Variants in NUP214 observed in about 807,000 individuals in gnomAD.
NUP214 encodes the protein nuclear pore complex protein Nup214.
A neutral mutation model predicts 196.2 loss-of-function variants in NUP214; 79 were observed. The ratio of observed to expected loss-of-function variants is 0.40; its 90% CI spans 0.34 to 0.49. NUP214 has a LOEUF of 0.49. Ranked by LOEUF, NUP214 falls within the 20% of genes least tolerant of loss-of-function variation. NUP214 has a pLI of 0.58. For synonymous variants in NUP214, 1,020 were observed against 990.5 expected, an observed-to-expected ratio of 1.03 and a Z score of -0.56; for missense variants, 2,468 against 2,539.0, an observed-to-expected ratio of 0.97 and a Z score of 0.60.
At position 131,197,756 on chromosome 9, in the gene NUP214, C is replaced by T. The variant is rs145719741; in HGVS notation, c.4262C>T (p.Ser1421Phe). The change falls in exon 29 of 36, where the codon TCC becomes TTC. Residue 1421 changes from serine to phenylalanine, a missense_variant. Ser to Phe is a radical substitution (Grantham distance 155). Transcript: ENST00000359428. ...AGTCTGCCAGTCACCAGTGCAGGAT[C>T]CTCTGGGGTCATCAGTTTTGGTGGG... ...FGSLPVTSAG[S>F]SGVISFGGTS... 3.7e-6 allele frequency: 6 copies of T among 1,614,104 alleles called. No homozygotes were observed. Among genetic ancestry groups the T allele is most frequent in the African/African-American group, 2.7e-5 (2 of 74,928 alleles).
rs754780704 is a variant in NUP214, at chr9:131,146,174, C to T, written c.1815C>T (p.Ser605=). The part of the protein sequence containing the change: ...ATSTPVSSSQ[S]APPMSPFSSA... ...CTACTCCTGTTAGTAGCTCCCAGAG[C>T]GCACCCCCGATGTCGCCATTCTCTT... is the stretch of plus-strand genomic sequence containing the variant. The change falls in exon 13 of 36, where the codon AGC becomes AGT. Residue 605 remains serine, a synonymous_variant. Transcript: ENST00000359428. This position sits in a 1 kb window ranked among gnomAD's most constrained non-coding sequence, Gnocchi z 4.6. The T allele has an allele frequency of 5.0e-6, 8 of 1,614,038 alleles. No homozygotes were observed. In the African/African-American group the frequency reaches 6.7e-5, roughly 13 times the overall value.
intron 5 of NUP214, 95 bp from the exon 6 acceptor site, chr9:131,132,501 A>G (rs1054181466): frequency 7.7e-6 from 8 of 1,034,748 alleles, no homozygotes; most frequent in South Asian, 2.7e-5. Flanking sequence ...GAGATGGAAC[A>G]GGTAGCATCT....
chr9:131,179,059 C>T (rs1440501605), intron 24 of NUP214, among the ~76,000 whole-genome samples: 1 of 152,014 alleles, frequency 6.6e-6, no homozygotes, highest in African/African-American at 2.4e-5. Flanking sequence ...GAGTGCAGTA[C>T]GATCATGGCA....
chr9:131,152,815 A>T (rs1191033132), intron 17 of NUP214, among the ~76,000 whole-genome samples: 2 of 151,354 alleles, frequency 1.3e-5, no homozygotes, highest in Non-Finnish European at 2.9e-5. Flanking sequence ...TGAGTCTCGC[A>T]CTGTCGCCTG....
chr9:131,192,149 T>G, intron 26 of NUP214, 59 bp from the exon 27 acceptor site: 4 of 1,134,318 alleles, frequency 3.5e-6, no homozygotes, highest in Non-Finnish European at 3.7e-6. Flanking sequence ...GGAACAGTGT[T>G]TCTGTCTTTT....
chr9:131,199,074 A>G (rs1041969384), intron 29 of NUP214, 59 bp downstream of exon 29: 48 of 1,515,584 alleles, frequency 3.2e-5, no homozygotes, highest in Non-Finnish European at 4.1e-5. Context: ...AACATTAGCA[A>G]CAGACCCCTA....
In NUP214 at chr9:131,140,495, G is replaced by T. The variant is rs1022820496; in HGVS notation, c.1133-54G>T. The T allele has an allele frequency of 5.9e-6, 9 of 1,522,180 alleles. No homozygotes were observed. The Admixed American group carries it at 1.5e-4, about 26-fold the overall frequency. The allele number at this position is 1,522,180 out of a possible 1,614,324, so 94.3% of individuals were successfully genotyped here. ...GTTGAGGGCAGTCTTTGCCTTCTGG[G>T]CTCAGGCCCTTAAATTCACTTGGTT... On this transcript the variant is annotated intron_variant, in intron 10 of 35. Coordinates refer to ENST00000359428, the MANE Select transcript of NUP214 (RefSeq NM_005085.4).
intron 27 of NUP214, among the ~76,000 whole-genome samples, chr9:131,193,477 A>G (rs1833670579): frequency 6.6e-6 from 1 of 151,766 alleles, no homozygotes; most frequent in African/African-American, 2.4e-5. Context: ...AGTAATACAT[A>G]TATTTTTTCT....
intron 30 of NUP214, 126 bp downstream of exon 30, chr9:131,201,843 G>C: frequency 2.5e-6 from 2 of 798,320 alleles, no homozygotes; most frequent in Admixed American, 2.1e-5. Context: ...TGGTTCTTAA[G>C]CTGTACTCCC....
chr9:131,227,239 T>C (rs1834748076), intron 32 of NUP214, among the ~76,000 whole-genome samples: 1 of 152,186 alleles, frequency 6.6e-6, no homozygotes, highest in Admixed American at 6.5e-5. Flanking sequence ...GCAATCAGAG[T>C]AGGGTGCCCT....
intron 31 of NUP214, among the ~76,000 whole-genome samples, chr9:131,220,238 A>G (rs1368977988): frequency 6.6e-6 from 1 of 152,200 alleles, no homozygotes; most frequent in Non-Finnish European, 1.5e-5. Context: ...GTCCGCCAAG[A>G]TATTCTCTTA....
At chr9:131,206,355 A>G (rs1834087605) in intron 30 of NUP214, among the ~76,000 whole-genome samples, 1 of 151,586 alleles carries the variant, frequency 6.6e-6, no homozygotes, top group South Asian at 2.1e-4. Flanking sequence ...CATGTTGCCC[A>G]GGCTGGTCTT....
rs756673177 is a variant in NUP214, at chr9:131,232,355, T to C, written c.6239+47T>C. On this transcript the variant is annotated intron_variant, in intron 35 of 35. Coordinates refer to ENST00000359428, the MANE Select transcript of NUP214 (RefSeq NM_005085.4). The surrounding 1 kb of genome is among the most constrained non-coding windows in gnomAD (Gnocchi z 5.1). ...TCTCACCTTAATTAAAAGCATTAAATAAGGTTGGAAGTGTGTGGATCTTGC... is the reference window on the plus strand; with the variant it reads ...TCTCACCTTAATTAAAAGCATTAAACAAGGTTGGAAGTGTGTGGATCTTGC... 3 of 1,576,514 alleles carry C rather than the reference T, an allele frequency of 1.9e-6. No individual in the cohort carries two copies. The Admixed American group carries it at 5.0e-5, about 26-fold the overall frequency.
intron 9 of NUP214, 116 bp downstream of exon 9, chr9:131,136,122 C>A: frequency 1.3e-6 from 1 of 780,402 alleles, no homozygotes; most frequent in Non-Finnish European, 2.0e-6. Context: ...CTTACTGCAA[C>A]CTCTGCCTTC....
intron 29 of NUP214, among the ~76,000 whole-genome samples, chr9:131,199,544 T>A (rs1833888876): frequency 6.6e-6 from 1 of 152,244 alleles, no homozygotes; most frequent in Non-Finnish European, 1.5e-5. Context: ...ATTTGGGTTC[T>A]TTTCTATTTT....
chr9:131,200,328 C>T (rs1833905278), intron 29 of NUP214, among the ~76,000 whole-genome samples: 1 of 152,232 alleles, frequency 6.6e-6, no homozygotes, highest in African/African-American at 2.4e-5. Context: ...GTAATCCCAG[C>T]AATTCGGGAG....
intron 17 of NUP214, among the ~76,000 whole-genome samples, chr9:131,153,514 A>G (rs1832335869): frequency 6.6e-6 from 1 of 152,312 alleles, no homozygotes; most frequent in African/African-American, 2.4e-5. Flanking sequence ...AATTACAGGC[A>G]TCCGCTCTGC....
chr9:131,145,898 C>T (rs1445521884), intron 12 of NUP214, among the ~76,000 whole-genome samples: 1 of 152,118 alleles, frequency 6.6e-6, no homozygotes, highest in African/African-American at 2.4e-5. Flanking sequence ...TTTGATATTT[C>T]CCCTGAATAA....
intron 3 of NUP214, 127 bp from the exon 4 acceptor site, chr9:131,129,152 T>TA: frequency 1.3e-6 from 1 of 791,660 alleles, no homozygotes; most frequent in Middle Eastern, 3.7e-4. Context: ...AATCTTTTTT[T>TA]ATGGTTATGG....
Sources: gnomAD v4.1 joint callset for allele counts (sites outside exome capture counted in the v4.1 genomes callset) on GRCh38, gnomAD v4.1.1 for gene constraint, Gnocchi (gnomAD v3.1) non-coding constraint, MANE v1.5 for transcripts, NCBI Gene and HGNC (gene_info 2026-07-23, HGNC 2026-07-21) for gene names.